AGBL1: variants seen among roughly 807,000 people sequenced by gnomAD.
AGBL1 encodes AGBL carboxypeptidase 1.
AGBL1 carries 130 observed loss-of-function variants against 118.9 expected under a neutral mutation model. The ratio of observed to expected loss-of-function variants is 1.09; its 90% CI spans 0.95 to 1.26. The LOEUF (loss-of-function observed/expected upper bound fraction) is 1.26. Among genes scored for constraint, AGBL1 ranks in the 50% most tolerant of loss-of-function variants. The probability of loss-of-function intolerance (pLI) is 0.00; values close to 1 mark genes in which losing one functional copy is unlikely to be tolerated. For synonymous variants in AGBL1, 555 were observed against 478.9 expected (o/e 1.16, Z -2.08); for missense variants, 1,584 against 1,298.1 (o/e 1.22, Z -3.38).
At chr15:86,471,258 A>G (rs971400364) in intron 18 of AGBL1, among the ~76,000 whole-genome samples, 2 of 152,174 alleles carry the variant, frequency 1.3e-5, no homozygotes, top group African/African-American at 4.8e-5. Context: ...TCATGAAAGC[A>G]TGTTGAATTT....
intron 21 of AGBL1, among the ~76,000 whole-genome samples, chr15:86,644,079 T>G (rs2447252): frequency 0.52 from 79,594 of 152,004 alleles, 21,004 homozygotes; most frequent in Middle Eastern, 0.66. Flanking sequence ...GTATAAACAT[T>G]AAATATACTG....
intron 5 of AGBL1, among the ~76,000 whole-genome samples, chr15:86,176,676 C>T (rs747189091): frequency 4.9e-4 from 74 of 152,166 alleles, no homozygotes; most frequent in Non-Finnish European, 9.7e-4. Flanking sequence ...GGCAGGATAT[C>T]ATCTGGTGGG....
intron 22 of AGBL1, among the ~76,000 whole-genome samples, chr15:86,771,090 G>A (rs532927715): frequency 6.0e-4 from 91 of 152,100 alleles, no homozygotes; most frequent in African/African-American, 2.2e-3. Context: ...GAGGAGGGAG[G>A]TGTCAAAGAT....
chr15:86,138,217 A>T (rs2076915280), intron 1 of AGBL1: 1 of 152,222 alleles, frequency 6.6e-6, no homozygotes, highest in African/African-American at 2.4e-5. Context: ...ATGCTCTGCC[A>T]TGTTGCCCTC....
At chr15:86,674,203 C>T in intron 21 of AGBL1, 70 bp from the exon 22 acceptor site, 1 of 1,443,234 alleles carries the variant, frequency 6.9e-7, no homozygotes, top group Non-Finnish European at 9.5e-7. Context: ...GTCCTTCTTC[C>T]TAATTTCAAA....
At chr15:86,366,182 T>C (rs1169110434) in intron 17 of AGBL1, among the ~76,000 whole-genome samples, 3 of 152,164 alleles carry the variant, frequency 2.0e-5, no homozygotes, top group Non-Finnish European at 2.9e-5. Context: ...CTCCCCTACA[T>C]TCTTCATTCA....
At chr15:86,629,159 G>A (rs2084929900) in intron 21 of AGBL1, among the ~76,000 whole-genome samples, 1 of 151,984 alleles carries the variant, frequency 6.6e-6, no homozygotes, top group Admixed American at 6.6e-5. Context: ...CCAGCTCCTG[G>A]TAACCACCAT....
chr15:86,216,449 T>C (rs929437364), intron 5 of AGBL1, among the ~76,000 whole-genome samples: 6 of 152,210 alleles, frequency 3.9e-5, no homozygotes, highest in African/African-American at 1.4e-4. Context: ...TTCCATCTTA[T>C]TGAATAATTT....
intron 22 of AGBL1, among the ~76,000 whole-genome samples, chr15:86,704,171 C>T (rs2086408104): frequency 6.6e-6 from 1 of 151,948 alleles, no homozygotes; most frequent in Admixed American, 6.6e-5. Flanking sequence ...TGTAAAATCC[C>T]AAACCATAAA....
intron 16 of AGBL1, among the ~76,000 whole-genome samples, chr15:86,288,542 TAA>T (rs1444023726): frequency 1.3e-5 from 2 of 152,166 alleles, no homozygotes; most frequent in South Asian, 2.1e-4. Context: ...CATTTTTATT[TAA>T]GTCTAATTTC....
At chr15:86,740,382 G>T (rs1027897698) in intron 22 of AGBL1, among the ~76,000 whole-genome samples, 1 of 152,162 alleles carries the variant, frequency 6.6e-6, no homozygotes, top group Non-Finnish European at 1.5e-5. Context: ...CACCCAGAAA[G>T]TTCTAAGATT....
intron 22 of AGBL1, among the ~76,000 whole-genome samples, chr15:86,820,856 T>G (rs560235282): frequency 6.6e-6 from 1 of 152,154 alleles, no homozygotes; most frequent in Non-Finnish European, 1.5e-5. Context: ...TTATAAATCA[T>G]TCTACTTTAA....
At chr15:86,435,519 G>A (rs1041268804) in intron 18 of AGBL1, among the ~76,000 whole-genome samples, 5 of 152,160 alleles carry the variant, frequency 3.3e-5, no homozygotes, top group African/African-American at 1.2e-4. Flanking sequence ...AATTTTAAAA[G>A]AATAATCTCC....
chr15:86,546,162 C>A (rs2083578278), intron 20 of AGBL1, 29 bp downstream of exon 20: 7 of 1,595,788 alleles, frequency 4.4e-6, no homozygotes, highest in Non-Finnish European at 6.0e-6. Context: ...TGACATCAGA[C>A]ATGCTGTGTT....
At chr15:86,526,542 GTGTATA>G (rs1441770134) in intron 19 of AGBL1, among the ~76,000 whole-genome samples, 4 of 41,438 alleles carry the variant, frequency 9.7e-5, no homozygotes, top group African/African-American at 2.6e-4. Flanking sequence ...GTTTGTGTCT[GTGTATA>G]TATATATATA....
intron 22 of AGBL1, among the ~76,000 whole-genome samples, chr15:86,713,888 G>A (rs2086598888): frequency 1.3e-5 from 2 of 152,152 alleles, no homozygotes. Context: ...TAATTAAAGA[G>A]CATTTGACCA....
chr15:86,245,623 C>G (rs1029324556), intron 6 of AGBL1, among the ~76,000 whole-genome samples: 3 of 152,206 alleles, frequency 2.0e-5, no homozygotes, highest in Non-Finnish European at 4.4e-5. Context: ...GACTGTTCTT[C>G]TTCCTCTGTT....
chr15:86,374,519 C>T (rs1435508389), intron 17 of AGBL1, among the ~76,000 whole-genome samples: 1 of 152,154 alleles, frequency 6.6e-6, no homozygotes, highest in African/African-American at 2.4e-5. Context: ...TCTGCTTTCC[C>T]ATCCCAGTCC....
chr15:86,084,799 T>C (rs1895523193), intron 1 of AGBL1, among the ~76,000 whole-genome samples: 1 of 151,336 alleles, frequency 6.6e-6, no homozygotes, highest in African/African-American at 2.4e-5. Flanking sequence ...TATCCATCTA[T>C]CCATCTGTAT....
Sources: gnomAD v4.1 joint callset for allele counts (sites outside exome capture counted in the v4.1 genomes callset) on GRCh38, gnomAD v4.1.1 for gene constraint, MANE v1.5 for transcripts, NCBI Gene and HGNC (gene_info 2026-07-23, HGNC 2026-07-21) for gene names.